Variants in ADGRG2 observed in about 807,000 individuals in gnomAD.
ADGRG2 encodes the protein G protein-coupled receptor 64.
In ADGRG2, 26 loss-of-function variants were observed where a neutral mutation model predicts 74.1. The ratio of observed to expected loss-of-function variants is 0.35; its 90% confidence interval spans 0.26 to 0.49. The LOEUF (loss-of-function observed/expected upper bound fraction) is 0.49, where lower values mean the gene tolerates loss of function less well. Ranked by LOEUF, ADGRG2 falls within the 20% of genes least tolerant of loss-of-function variation. ADGRG2 has a pLI of 0.99. For missense variants in ADGRG2, 619 were observed against 763.1 expected (o/e 0.81, Z 2.22); for synonymous variants, 296 against 295.2 (o/e 1.00, Z -0.03).
In ADGRG2 at chrX:19,017,213, A is replaced by C. The variant is rs1348861788; in HGVS notation, c.710+2386T>G. On this transcript the variant is annotated intron_variant, in intron 15 of 28. Transcript: ENST00000379869. ...GACTTTCAGGCCCAGGCCTTACTGGATCAGAATCTGCATTTTAACAAGATC... is the reference window on the plus strand; with the variant it reads ...GACTTTCAGGCCCAGGCCTTACTGGCTCAGAATCTGCATTTTAACAAGATC... 3.6e-5 allele frequency among the ~76,000 whole-genome samples: 4 copies of C among 111,908 alleles called. No homozygotes were observed. In the East Asian group the frequency reaches 1.1e-3, roughly 31 times the overall value.
At position 19,104,976 on chromosome X, in the gene ADGRG2, G is replaced by A. The variant is rs750198450; in HGVS notation, c.-47+17466C>T. Among the ~76,000 whole-genome samples, 270 of 106,849 alleles carry A rather than the reference G, an allele frequency of 2.5e-3. 1 individual carries two copies. The highest frequency in any genetic ancestry group is 8.8e-3 in the African/African-American group (257 of 29,200). The allele number at this position is 106,849 out of a possible 115,157, so 92.8% of individuals were successfully genotyped here. On this transcript the variant is annotated intron_variant, in intron 1 of 28. Coordinates refer to ENST00000379869, the MANE Select transcript of ADGRG2 (RefSeq NM_001079858.3). ...AGGCTGGGCGTGGTGGCTCATGCCT[G>A]TAATCCCAGCACATTAGGAGGCCGA...
rs1478228467 is a variant in ADGRG2, at chrX:19,076,887, A to G, written c.-2+5815T>C. Among the ~76,000 whole-genome samples, 5 of 112,349 alleles carry G rather than the reference A, an allele frequency of 4.5e-5. No homozygotes were observed. The East Asian group carries it at 8.3e-4, about 19-fold the overall frequency. On this transcript the variant is annotated intron_variant, in intron 2 of 28. Coordinates refer to ENST00000379869, the MANE Select transcript of ADGRG2 (RefSeq NM_001079858.3). The stretch of plus-strand genomic sequence containing the variant: ...TATAAACATAGGAGACAATATATGC[A>G]TTATATGTAATATAAGTAAGGAGAT...
Position 19,013,774 on chromosome X carries a change from G to A in ADGRG2, c.1011C>T (p.Thr337=). The A allele has an allele frequency of 8.3e-7, 1 of 1,197,996 alleles. No homozygotes were observed. Among genetic ancestry groups the A allele is most frequent in the Non-Finnish European group, 1.1e-6 (1 of 889,299 alleles). ...SPMPQTHVSG[T]PPPVKASFSS... Reference sequence around the variant, plus strand: ...AAAATGAGGCTTTCACAGGAGGTGGGGTGCCGGAGACATGGGTTTGGGGCA... The same window carrying A: ...AAAATGAGGCTTTCACAGGAGGTGGAGTGCCGGAGACATGGGTTTGGGGCA... Residue 337 remains threonine, a synonymous_variant, in exon 16 of 29, where the codon ACC becomes ACT. Transcript: ENST00000379869.
At chrX:19,029,909 C>G (rs2060790912) in intron 9 of ADGRG2, among the ~76,000 whole-genome samples, 1 of 111,213 alleles carries the variant, frequency 9.0e-6, no homozygotes, top group Admixed American at 9.6e-5. Flanking sequence ...GAAATGTATC[C>G]AACACTTTGC....
chrX:18,996,886 C>T (rs746398205), intron 26 of ADGRG2, among the ~76,000 whole-genome samples: 1 of 111,550 alleles, frequency 9.0e-6, no homozygotes, highest in South Asian at 3.7e-4. Flanking sequence ...CTGCTTTCTA[C>T]TTAAAAACCC....
At chrX:19,071,385 A>C (rs1257315612) in intron 2 of ADGRG2, among the ~76,000 whole-genome samples, 1 of 112,356 alleles carries the variant, frequency 8.9e-6, no homozygotes, top group Non-Finnish European at 1.9e-5. Flanking sequence ...GGAGTCACTC[A>C]AATGAGGATG....
chrX:19,121,266 C>T (rs977205410), intron 1 of ADGRG2, among the ~76,000 whole-genome samples: 1 of 111,686 alleles, frequency 9.0e-6, no homozygotes, highest in Non-Finnish European at 1.9e-5. Context: ...AGATAATCTA[C>T]ATGCTTCTGT....
chrX:19,003,398 C>T (rs1168220678), intron 23 of ADGRG2, among the ~76,000 whole-genome samples: 1 of 111,683 alleles, frequency 9.0e-6, no homozygotes, highest in Non-Finnish European at 1.9e-5. Flanking sequence ...TCAAGCAATC[C>T]TGCTGCCCTG....
intron 1 of ADGRG2, among the ~76,000 whole-genome samples, chrX:19,118,792 A>G (rs1437725853): frequency 8.9e-6 from 1 of 112,523 alleles, no homozygotes; most frequent in East Asian, 2.8e-4. Context: ...GTGAATATTT[A>G]TATTGGCTTT....
chrX:19,040,021 T>C, intron 4 of ADGRG2, among the ~76,000 whole-genome samples, 168 bp downstream of exon 4: 1 of 112,287 alleles, frequency 8.9e-6, no homozygotes, highest in South Asian at 3.7e-4. Flanking sequence ...AATATGACTG[T>C]CCTCTGGTCT....
At chrX:19,055,289 C>T (rs903684790) in intron 3 of ADGRG2, among the ~76,000 whole-genome samples, 3 of 111,441 alleles carry the variant, frequency 2.7e-5, no homozygotes, top group South Asian at 3.8e-4. Flanking sequence ...TGTGTGTGCG[C>T]GCGCACGCGC....
chrX:19,002,895 A>G lies in ADGRG2; in HGVS notation c.2181T>C (p.Phe727=). ...FHMYLALVKV[F]NTYIRKYILK... Reference sequence around the variant, plus strand: ...GGATGTATTTTCGGATGTAAGTATTAAATACTTTGACAAGGGCCAGGTACA... The same window carrying G: ...GGATGTATTTTCGGATGTAAGTATTGAATACTTTGACAAGGGCCAGGTACA... Residue 727 remains phenylalanine, a synonymous_variant, in exon 24 of 29, where the codon TTT becomes TTC. Coordinates refer to ENST00000379869, the MANE Select transcript of ADGRG2 (RefSeq NM_001079858.3). 1.7e-6 allele frequency: 2 copies of G among 1,205,743 alleles called. No individual in the cohort carries two copies. Among genetic ancestry groups the G allele is most frequent in the Non-Finnish European group, 2.2e-6 (2 of 889,992 alleles).
chrX:19,071,492 A>G (rs987844404), intron 2 of ADGRG2, among the ~76,000 whole-genome samples: 1 of 112,122 alleles, frequency 8.9e-6, no homozygotes, highest in Non-Finnish European at 1.9e-5. Flanking sequence ...CAGCTCAGAA[A>G]TATAATGTTT....
chrX:19,004,758 T>A lies in ADGRG2; in HGVS notation c.1961A>T (p.Glu654Val). 1 of 1,207,857 alleles carries A rather than the reference T, an allele frequency of 8.3e-7. No homozygotes were observed. Among genetic ancestry groups the A allele is most frequent in the Non-Finnish European group, 1.1e-6 (1 of 893,455 alleles). Residue 654 changes from glutamate to valine, a missense_variant and splice_region_variant, in exon 23 of 29, where the codon GAA (glutamate) becomes GTA (valine). Transcript: ENST00000379869. The part of the protein sequence containing the change: ...SVTLVTYIAF[E>V]KIRRDYPSKI... The stretch of plus-strand genomic sequence containing the variant: ...CAAATTTCCGGTTGTGGATACTCAC[T>A]CAAAAGCTATGTAGGTTACAAGAGT...
chrX:19,019,436 G>A, intron 15 of ADGRG2, 163 bp downstream of exon 15: 1 of 426,753 alleles, frequency 2.3e-6, no homozygotes, highest in Non-Finnish European at 4.2e-6. Flanking sequence ...CAAACCACTG[G>A]TTTAAGGCAG....
At chrX:19,109,187 G>T (rs1188511637) in intron 1 of ADGRG2, among the ~76,000 whole-genome samples, 1 of 111,553 alleles carries the variant, frequency 9.0e-6, no homozygotes, top group Non-Finnish European at 1.9e-5. Flanking sequence ...ATCACAAGCT[G>T]AGTAATGGCG....
intron 24 of ADGRG2, among the ~76,000 whole-genome samples, chrX:19,002,040 T>TA (rs1180315484): frequency 6.3e-5 from 7 of 111,303 alleles, no homozygotes; most frequent in African/African-American, 2.0e-4. Flanking sequence ...GGTATCAACT[T>TA]ACTGTTTTCT....
intron 9 of ADGRG2, among the ~76,000 whole-genome samples, chrX:19,030,333 A>G (rs1283337043): frequency 8.9e-6 from 1 of 112,426 alleles, no homozygotes; most frequent in Non-Finnish European, 1.9e-5. Flanking sequence ...CCAGAGAGCC[A>G]AACCAAGGTG....
intron 1 of ADGRG2, among the ~76,000 whole-genome samples, chrX:19,101,637 G>C (rs1232953772): frequency 1.8e-5 from 2 of 110,035 alleles, no homozygotes; most frequent in Admixed American, 2.0e-4. Context: ...GGAGGCCAAG[G>C]CTGCAGTGAG....
Sources: allele counts gnomAD v4.1 joint callset (sites outside exome capture counted in the v4.1 genomes callset), GRCh38; gene constraint gnomAD v4.1.1; transcripts MANE v1.5; gene names NCBI Gene and HGNC (gene_info 2026-07-23, HGNC 2026-07-21).